SAMTOR: variants seen among roughly 807,000 people sequenced by gnomAD.
The protein encoded by SAMTOR is UPF0532 protein C7orf60.
the SAMTOR span, among the ~76,000 whole-genome samples, chr7:112,931,177 C>T: frequency 0.11 from 16,621 of 152,096 alleles, 1,228 homozygotes; most frequent in Middle Eastern, 0.31. Context: ...TAACACTCCC[C>T]GGATGAATCC....
At chr7:112,906,075 A>T in the SAMTOR span, among the ~76,000 whole-genome samples, 1 of 152,198 alleles carries the variant, frequency 6.6e-6, no homozygotes, top group Non-Finnish European at 1.5e-5. Context: ...ATATATGTAC[A>T]CACACAACAA....
the SAMTOR span, among the ~76,000 whole-genome samples, chr7:112,929,652 T>C: frequency 6.6e-6 from 1 of 152,050 alleles, no homozygotes; most frequent in Non-Finnish European, 1.5e-5. Context: ...GCAGCATTAC[T>C]CACAATAGCT....
chr7:112,890,773 C>G, the SAMTOR span, among the ~76,000 whole-genome samples: 1 of 151,772 alleles, frequency 6.6e-6, no homozygotes, highest in Non-Finnish European at 1.5e-5. Context: ...TCACTGCAAC[C>G]TCCACCTTCC....
At chr7:112,895,760 G>T in the SAMTOR span, 1 of 1,472,310 alleles carries the variant, frequency 6.8e-7, no homozygotes. Context: ...AAATAAAGTT[G>T]TATTTTAACA....
At chr7:112,882,783 A>G in the SAMTOR span, among the ~76,000 whole-genome samples, 134 of 151,798 alleles carry the variant, frequency 8.8e-4, 1 homozygote, top group Middle Eastern at 0.014. Context: ...AAAAAAAAAA[A>G]AAAGAAAAGG....
chr7:112,873,478 T>A, the SAMTOR span, among the ~76,000 whole-genome samples: 17 of 152,178 alleles, frequency 1.1e-4, 1 homozygote, highest in South Asian at 3.5e-3. Flanking sequence ...AAGTCCCTAT[T>A]TAATAAATGG....
At chr7:112,920,409 C>T in the SAMTOR span, among the ~76,000 whole-genome samples, 94 of 137,698 alleles carry the variant, frequency 6.8e-4, no homozygotes, top group African/African-American at 1.5e-3. Context: ...ACCCTTCATG[C>T]TAAAAACTCT....
At chr7:112,916,368 G>A in the SAMTOR span, among the ~76,000 whole-genome samples, 1 of 152,248 alleles carries the variant, frequency 6.6e-6, no homozygotes, top group South Asian at 2.1e-4. Context: ...CACTGTCCTT[G>A]GACATAGGAG....
chr7:112,868,406 C>T, the SAMTOR span, among the ~76,000 whole-genome samples: 2 of 152,280 alleles, frequency 1.3e-5, no homozygotes, highest in Non-Finnish European at 2.9e-5. Flanking sequence ...AGGTGTTTGG[C>T]TGGTTACATG....
the SAMTOR span, among the ~76,000 whole-genome samples, chr7:112,833,931 C>T: frequency 6.6e-6 from 1 of 152,290 alleles, no homozygotes; most frequent in South Asian, 2.1e-4. Flanking sequence ...GATGACATCC[C>T]CCACACCTTT....
At chr7:112,823,945 T>C in the SAMTOR span, among the ~76,000 whole-genome samples, 6 of 152,238 alleles carry the variant, frequency 3.9e-5, no homozygotes, top group East Asian at 1.9e-4. Context: ...CCGGACTTAT[T>C]TGCCATCCAG....
At chr7:112,902,701 A>G in the SAMTOR span, among the ~76,000 whole-genome samples, 2 of 152,070 alleles carry the variant, frequency 1.3e-5, no homozygotes, top group African/African-American at 2.4e-5. Flanking sequence ...CTGGATGTTG[A>G]CAGTGGGGGA....
At chr7:112,895,807 G>T in the SAMTOR span, 1 of 1,145,860 alleles carries the variant, frequency 8.7e-7, no homozygotes, top group Non-Finnish European at 1.2e-6. Context: ...GGAAAAAATT[G>T]GCTTTTATTA....
chr7:112,936,676 C>G, the SAMTOR span, among the ~76,000 whole-genome samples: 2 of 152,302 alleles, frequency 1.3e-5, no homozygotes, highest in South Asian at 4.1e-4. Context: ...GCTCTGTTCT[C>G]CAACCTCCCA....
the SAMTOR span, chr7:112,939,805 A>G: frequency 2.8e-5 from 39 of 1,408,880 alleles, no homozygotes; most frequent in Non-Finnish European, 3.6e-5. Context: ...CGCTCCCCAG[A>G]TGGAGGAGGT....
At chr7:112,897,140 G>C in the SAMTOR span, among the ~76,000 whole-genome samples, 2 of 152,138 alleles carry the variant, frequency 1.3e-5, no homozygotes, top group Admixed American at 1.3e-4. Context: ...ATGACAGAGA[G>C]CAGTTTAGAG....
chr7:112,913,877 T>C, the SAMTOR span, among the ~76,000 whole-genome samples: 8 of 152,186 alleles, frequency 5.3e-5, no homozygotes, highest in East Asian at 1.3e-3. Flanking sequence ...TTAGTTTTCC[T>C]TGCTTTATTT....
chr7:112,841,098 G>A, the SAMTOR span, among the ~76,000 whole-genome samples: 1 of 152,258 alleles, frequency 6.6e-6, no homozygotes, highest in Non-Finnish European at 1.5e-5. Flanking sequence ...TCCGGCAAGA[G>A]AAAGAAATAA....
the SAMTOR span, among the ~76,000 whole-genome samples, chr7:112,905,816 C>G: frequency 6.6e-6 from 1 of 151,824 alleles, no homozygotes; most frequent in Non-Finnish European, 1.5e-5. Context: ...GCCAAAAAGC[C>G]AGCAACTTAA....
Sources: allele counts gnomAD v4.1 joint callset (sites outside exome capture counted in the v4.1 genomes callset), GRCh38; gene constraint gnomAD v4.1.1; transcripts MANE v1.5; gene names NCBI Gene and HGNC (gene_info 2026-07-23, HGNC 2026-07-21).